Variants in ZPBP observed in about 807,000 individuals in gnomAD.
ZPBP encodes zona pellucida-binding protein 1.
Under a neutral mutation model 44.8 loss-of-function variants are expected in ZPBP, and 26 were observed. The observed-to-expected ratio is 0.58, with a 90% CI of 0.43 to 0.81. The LOEUF (loss-of-function observed/expected upper bound fraction) is 0.81, where lower values mean the gene tolerates loss of function less well. ZPBP is among the 30% of genes least tolerant of loss of function. The pLI, the probability that ZPBP is intolerant of heterozygous loss-of-function variation, is 0.00. For synonymous variants in ZPBP, 174 were observed against 153.2 expected, an observed-to-expected ratio of 1.14 and a Z score of -1.00; for missense variants, 409 against 434.0, an observed-to-expected ratio of 0.94 and a Z score of 0.51.
chr7:49,852,388 T>C (rs1303570200), intron 2 of ZPBP, among the ~76,000 whole-genome samples: 3 of 152,238 alleles, frequency 2.0e-5, no homozygotes, highest in Admixed American at 2.0e-4. Flanking sequence ...TGTCCTGGCC[T>C]GTTCACTCAT....
chr7:49,989,075 T>C (rs182109657), intron 6 of ZPBP, among the ~76,000 whole-genome samples: 3 of 152,342 alleles, frequency 2.0e-5, no homozygotes, highest in South Asian at 2.1e-4. Flanking sequence ...TATGCCGTTA[T>C]AGTTGTTTGC....
chr7:49,899,414 A>G lies in ZPBP; in HGVS notation n.509+1704T>C, dbSNP rs529633486. ...TTGCAGTTGACCATGGGTAACTGAA[A>G]CCATGGAAAGCAAAACTGTGGATAA... On this transcript the variant is annotated intron_variant and non_coding_transcript_variant, in intron 2 of 2. Coordinates refer to the ZPBP transcript ENST00000465922. 2.0e-5 allele frequency among the ~76,000 whole-genome samples: 3 copies of G among 152,154 alleles called. No homozygotes were observed. In the East Asian group the frequency reaches 5.8e-4, roughly 29 times the overall value.
chr7:49,965,966 A>T (rs1796042643), intron 7 of ZPBP, among the ~76,000 whole-genome samples: 1 of 152,144 alleles, frequency 6.6e-6, no homozygotes, highest in Admixed American at 6.5e-5. Flanking sequence ...AGAAAGCTGC[A>T]GTGACAATAT....
intron 3 of ZPBP, among the ~76,000 whole-genome samples, chr7:50,064,762 T>C (rs978932604): frequency 2.0e-5 from 3 of 152,222 alleles, no homozygotes; most frequent in African/African-American, 7.2e-5. Flanking sequence ...GGTGCCCACA[T>C]TTCATATTGC....
chr7:49,923,063 GA>G (rs1354446353), intron 1 of ZPBP, among the ~76,000 whole-genome samples: 3 of 152,196 alleles, frequency 2.0e-5, no homozygotes, highest in Non-Finnish European at 2.9e-5. Context: ...GAGTGAATCT[GA>G]AGACAGATCA....
At chr7:50,010,180 A>G (rs1453749800) in intron 6 of ZPBP, among the ~76,000 whole-genome samples, 1 of 152,170 alleles carries the variant, frequency 6.6e-6, no homozygotes, top group Non-Finnish European at 1.5e-5. Flanking sequence ...AGCTAAAACA[A>G]TCTTAACAAG....
downstream of ZPBP, among the ~76,000 whole-genome samples, chr7:49,935,510 T>C (rs1299921510): frequency 1.3e-5 from 2 of 152,132 alleles, no homozygotes; most frequent in East Asian, 3.9e-4. Context: ...GCGATTCTCC[T>C]GCCTCAGCCT....
intron 5 of ZPBP, among the ~76,000 whole-genome samples, chr7:50,021,688 G>A (rs1041000860): frequency 9.2e-5 from 14 of 152,036 alleles, no homozygotes; most frequent in South Asian, 8.3e-4. Context: ...TAAATACAAG[G>A]AATCCCACAC....
chr7:49,881,549 C>G (rs915562431), intron 2 of ZPBP, among the ~76,000 whole-genome samples: 2 of 152,152 alleles, frequency 1.3e-5, no homozygotes, highest in African/African-American at 4.8e-5. Flanking sequence ...CAGGAGGAAG[C>G]TCAAGATATG....
Position 50,058,025 on chromosome 7 carries a change from T to C in ZPBP, c.451A>G (p.Ile151Val). The C allele has an allele frequency of 6.2e-7, 1 of 1,612,884 alleles. No individual in the cohort carries two copies. The highest frequency in any genetic ancestry group is 8.5e-7 in the Non-Finnish European group (1 of 1,179,538). ...TATTTTAGTTGAAGACGTTTAACAA[T>C]TTCTTCCACAGTAGGTTTATATTCG... ...FLEYKPTVEE[I>V]VKRLQLKYAI... The change falls in exon 4 of 8, where the codon ATT becomes GTT. Residue 151 changes from isoleucine (I) to valine (V), a missense_variant. This residue lies in a region of ZPBP where 367 missense variants were observed against 363.1 expected (regional missense o/e 1.01). Coordinates refer to ENST00000046087, the MANE Select transcript of ZPBP (RefSeq NM_007009.3).
At chr7:49,859,905 G>C (rs774198621) in intron 2 of ZPBP, among the ~76,000 whole-genome samples, 2 of 151,728 alleles carry the variant, frequency 1.3e-5, no homozygotes, top group Non-Finnish European at 2.9e-5. Flanking sequence ...ACCTAAAGGA[G>C]TTTTTCTATC....
intron 4 of ZPBP, among the ~76,000 whole-genome samples, chr7:50,045,065 T>C (rs916024623): frequency 2.6e-5 from 4 of 152,186 alleles, no homozygotes; most frequent in African/African-American, 9.7e-5. Context: ...ATTATCTCAA[T>C]ATATGCAGAA....
intron 3 of ZPBP, among the ~76,000 whole-genome samples, chr7:50,075,076 C>G (rs1348510792): frequency 6.6e-6 from 1 of 151,916 alleles, no homozygotes; most frequent in Non-Finnish European, 1.5e-5. Flanking sequence ...AGCATCTTCT[C>G]TGACCACAAT....
intron 3 of ZPBP, among the ~76,000 whole-genome samples, chr7:50,071,867 G>A (rs145543477): frequency 2.4e-4 from 37 of 152,274 alleles, no homozygotes; most frequent in African/African-American, 8.7e-4. Flanking sequence ...AACCAGCAGC[G>A]ATACCCAGGT....
intron 7 of ZPBP, among the ~76,000 whole-genome samples, chr7:49,981,610 AATTAT>A (rs1380267984): frequency 0.029 from 151 of 5,240 alleles, 13 homozygotes; most frequent in Non-Finnish European, 0.034. Context: ...TAAATTATAT[AATTAT>A]ATTATATTAT....
chr7:49,847,205 G>A (rs992740846), downstream of ZPBP, among the ~76,000 whole-genome samples: 3 of 149,378 alleles, frequency 2.0e-5, no homozygotes, highest in African/African-American at 7.3e-5. Flanking sequence ...AAAAATGTGT[G>A]AACCTATTAT....
chr7:50,036,703 A>C (rs1799844697), intron 4 of ZPBP, among the ~76,000 whole-genome samples: 1 of 152,208 alleles, frequency 6.6e-6, no homozygotes, highest in Non-Finnish European at 1.5e-5. Flanking sequence ...TAAACATATC[A>C]GTAATTGTGG....
intron 6 of ZPBP, among the ~76,000 whole-genome samples, chr7:49,997,464 T>A (rs1295499311): frequency 9.2e-5 from 14 of 152,186 alleles, no homozygotes; most frequent in Non-Finnish European, 5.9e-5. Context: ...ACTTAAGTAG[T>A]TATTTTGAAG....
intron 6 of ZPBP, among the ~76,000 whole-genome samples, chr7:49,992,566 G>GA (rs1039528656): frequency 6.6e-6 from 1 of 151,588 alleles, no homozygotes; most frequent in Non-Finnish European, 1.5e-5. Context: ...TAAACAGCTA[G>GA]AAAAAAATAT....
Sources: allele counts gnomAD v4.1 joint callset (sites outside exome capture counted in the v4.1 genomes callset), GRCh38; gene constraint gnomAD v4.1.1; regional missense constraint gnomAD v4.1.1; transcripts MANE v1.5; gene names NCBI Gene and HGNC (gene_info 2026-07-23, HGNC 2026-07-21).